Variants in NFIA observed in about 807,000 individuals in gnomAD.
NFIA encodes the protein nuclear factor I A.
NFIA carries 8 observed loss-of-function variants against 62.8 expected under a neutral mutation model. That is an observed-to-expected ratio of 0.13 (90% CI 0.07 to 0.23). The LOEUF is 0.23. Ranked by LOEUF, NFIA falls within the 10% of genes least tolerant of loss-of-function variation. NFIA has a pLI of 1.00. For missense variants in NFIA, 410 were observed against 642.1 expected, an observed-to-expected ratio of 0.64 and a Z score of 3.91; for synonymous variants, 235 against 238.1, an observed-to-expected ratio of 0.99 and a Z score of 0.12.
chr1:61,213,148 TTAAATTTAAAG>T (rs1435219449), intron 2 of NFIA, among the ~76,000 whole-genome samples: 1 of 152,182 alleles, frequency 6.6e-6, no homozygotes, highest in African/African-American at 2.4e-5. Flanking sequence ...TAATGAAATT[TTAAATTTAAAG>T]TGACCCAAGT....
intron 3 of NFIA, among the ~76,000 whole-genome samples, chr1:61,311,047 T>C (rs1660083450): frequency 1.3e-5 from 2 of 152,118 alleles, no homozygotes; most frequent in African/African-American, 4.8e-5. Flanking sequence ...TAATGAATAG[T>C]AGGTATTTAG....
chr1:61,084,032 A>AT lies in NFIA; in HGVS notation c.27+1224dup, dbSNP rs200871713. Among the ~76,000 whole-genome samples, 1,254 of 149,164 alleles carry AT rather than the reference A, an allele frequency of 8.4e-3. 15 individuals carry two copies. Among genetic ancestry groups the AT allele is most frequent in the African/African-American group, 0.027 (1,119 of 40,804 alleles). ...CTTGAAGTCAAAGTGGTTTTGCGCT[A>AT]TTTTTTTTTTAAGCGTGAGATTTCA... On this transcript the variant is annotated intron_variant, in intron 1 of 10. Coordinates refer to ENST00000403491, the MANE Select transcript of NFIA (RefSeq NM_001134673.4).
chr1:61,258,813 C>T (rs1293744938), intron 2 of NFIA, among the ~76,000 whole-genome samples: 2 of 151,982 alleles, frequency 1.3e-5, no homozygotes, highest in East Asian at 1.9e-4. Context: ...ACTGCAGTCT[C>T]GACTCCTGGG....
At chr1:61,348,462 G>A (rs1231489459) in intron 4 of NFIA, among the ~76,000 whole-genome samples, 3 of 152,144 alleles carry the variant, frequency 2.0e-5, no homozygotes, top group African/African-American at 4.8e-5. Flanking sequence ...AGACACTTTC[G>A]GGACGTGCCA....
intron 2 of NFIA, among the ~76,000 whole-genome samples, chr1:61,202,315 C>T (rs1312786143): frequency 6.6e-6 from 1 of 152,106 alleles, no homozygotes; most frequent in African/African-American, 2.4e-5. Context: ...ATGACCTTCA[C>T]CTTGGTCAAA....
chr1:61,301,363 A>G (rs1233308167), intron 3 of NFIA, among the ~76,000 whole-genome samples: 3 of 152,234 alleles, frequency 2.0e-5, no homozygotes, highest in African/African-American at 7.2e-5. Context: ...AATTCACATC[A>G]TGAAATTTAT....
At chr1:61,345,327 C>T (rs1013056501) in intron 4 of NFIA, among the ~76,000 whole-genome samples, 15 of 152,120 alleles carry the variant, frequency 9.9e-5, no homozygotes, top group African/African-American at 3.6e-4. Context: ...GGTAATTATT[C>T]ACTCTTCTTA....
chr1:61,352,756 T>TACACACACAC lies in NFIA; in HGVS notation c.818+208_818+217dup, dbSNP rs10544967. Among the ~76,000 whole-genome samples, 214 of 150,566 alleles carry TACACACACAC rather than the reference T, an allele frequency of 1.4e-3. 2 individuals carry two copies. The highest frequency in any genetic ancestry group is 4.0e-3 in the African/African-American group (163 of 40,980). On this transcript the variant is annotated intron_variant, in intron 5 of 10. Coordinates refer to ENST00000403491, the MANE Select transcript of NFIA (RefSeq NM_001134673.4). ...CAAATATGCATGTGGCAAGATTAAA[T>TACACACACAC]ACACACACACACACACACACACACA...
chr1:61,401,940 T>TCAAGC (rs750082911), intron 7 of NFIA, among the ~76,000 whole-genome samples: 3,771 of 152,230 alleles, frequency 0.025, 61 homozygotes, highest in Non-Finnish European at 0.041. Context: ...CCAGAGCCAT[T>TCAAGC]TAACTTTTTA....
intron 2 of NFIA, among the ~76,000 whole-genome samples, chr1:61,141,998 A>AGCT (rs1268758795): frequency 6.6e-6 from 1 of 152,176 alleles, no homozygotes; most frequent in Admixed American, 6.5e-5. Context: ...CCTAAAATGC[A>AGCT]GCTGGCCAAA....
intron 2 of NFIA, among the ~76,000 whole-genome samples, chr1:61,266,678 G>A (rs1657191309): frequency 6.6e-6 from 1 of 152,142 alleles, no homozygotes; most frequent in Admixed American, 6.5e-5. Context: ...GGGATTACAG[G>A]CATGAGCCAC....
At chr1:61,160,857 A>G (rs1649150446) in intron 2 of NFIA, among the ~76,000 whole-genome samples, 1 of 152,236 alleles carries the variant, frequency 6.6e-6, no homozygotes, top group African/African-American at 2.4e-5. Context: ...TCTAAAGTTG[A>G]TCACAATCTA....
intron 6 of NFIA, among the ~76,000 whole-genome samples, chr1:61,375,647 G>A (rs1664114535): frequency 6.6e-6 from 1 of 152,062 alleles, no homozygotes; most frequent in South Asian, 2.1e-4. Flanking sequence ...TGATTGTGTA[G>A]CCTCTCACCT....
intron 2 of NFIA, among the ~76,000 whole-genome samples, chr1:61,123,221 G>A (rs1646916350): frequency 6.6e-6 from 1 of 152,190 alleles, no homozygotes; most frequent in African/African-American, 2.4e-5. Context: ...CCCACAGCCA[G>A]GGCGGGAAAC....
chr1:61,406,870 A>C, intron 9 of NFIA, 143 bp downstream of exon 9: 1 of 964,274 alleles, frequency 1.0e-6, no homozygotes, highest in Non-Finnish European at 1.5e-6. Context: ...TGCCAGACCG[A>C]GAATCAAAGT....
At chr1:61,313,617 A>C (rs1660223565) in intron 3 of NFIA, among the ~76,000 whole-genome samples, 1 of 151,916 alleles carries the variant, frequency 6.6e-6, no homozygotes, top group Non-Finnish European at 1.5e-5. Context: ...CAACATCCAC[A>C]CTCTATCAGA....
intron 2 of NFIA, among the ~76,000 whole-genome samples, chr1:61,158,742 T>C (rs770037821): frequency 6.6e-6 from 1 of 152,180 alleles, no homozygotes; most frequent in Non-Finnish European, 1.5e-5. Context: ...TTTGCTGTCA[T>C]TAGAGAAATT....
intron 3 of NFIA, among the ~76,000 whole-genome samples, chr1:61,322,064 A>G (rs764925099): frequency 2.0e-5 from 3 of 152,218 alleles, no homozygotes; most frequent in Non-Finnish European, 1.5e-5. Context: ...AAAGAGTGGT[A>G]AATATACCTG....
At chr1:61,440,469 G>C (rs1176907553) in intron 10 of NFIA, among the ~76,000 whole-genome samples, 2 of 152,224 alleles carry the variant, frequency 1.3e-5, no homozygotes, top group African/African-American at 4.8e-5. Context: ...TCCTTTTGAA[G>C]AAAGAAGTTG....
Sources: gnomAD v4.1 joint callset for allele counts (sites outside exome capture counted in the v4.1 genomes callset) on GRCh38, gnomAD v4.1.1 for gene constraint, MANE v1.5 for transcripts, NCBI Gene and HGNC (gene_info 2026-07-23, HGNC 2026-07-21) for gene names.